CYP27C1: variants seen among roughly 807,000 people sequenced by gnomAD.
CYP27C1 encodes the protein cytochrome P450 family 27 subfamily C member 1, also known as cytochrome P450 27C1.
Under a neutral mutation model 40.6 loss-of-function variants are expected in CYP27C1, and 29 were observed. The observed-to-expected ratio is 0.71, with a 90% CI of 0.53 to 0.97. The LOEUF (loss-of-function observed/expected upper bound fraction) is 0.97, where lower values mean the gene tolerates loss of function less well. CYP27C1 is among the 50% of genes least tolerant of loss of function. CYP27C1 has a pLI of 0.00. For synonymous variants in CYP27C1, 198 were observed against 186.8 expected, an observed-to-expected ratio of 1.06 and a Z score of -0.49; for missense variants, 390 against 485.8, an observed-to-expected ratio of 0.80 and a Z score of 1.85.
chr2:127,204,440 A>AAAAGAAAGAAAGAAAAGAAAGAAAG (rs1553503224), intron 2 of CYP27C1, among the ~76,000 whole-genome samples: 4 of 41,284 alleles, frequency 9.7e-5, no homozygotes, highest in Non-Finnish European at 1.4e-4. Context: ...GAAAGAAAGA[A>AAAAGAAAGAAAGAAAAGAAAGAAAG]AAAGAAAGAA....
chr2:127,204,975 C>A (rs1316520334), intron 2 of CYP27C1, among the ~76,000 whole-genome samples: 1 of 152,218 alleles, frequency 6.6e-6, no homozygotes, highest in Non-Finnish European at 1.5e-5. Context: ...AGGACCCAAG[C>A]TAAGCCAGCC....
In CYP27C1 at chr2:127,187,163, A is replaced by G; in HGVS notation, c.*108T>C. On this transcript the variant is annotated 3_prime_UTR_variant, in exon 9 of 9. Transcript: ENST00000664447. ...CTGGGAGGCCAGTCTATAACAAGACAGCCTTTAGCGACATCGCTTTCCTTC... is the reference window on the plus strand; with the variant it reads ...CTGGGAGGCCAGTCTATAACAAGACGGCCTTTAGCGACATCGCTTTCCTTC... 1.1e-6 allele frequency: 1 copy of G among 883,852 alleles called. No individual in the cohort carries two copies. Among genetic ancestry groups the G allele is most frequent in the Non-Finnish European group, 1.8e-6 (1 of 546,814 alleles). 54.8% of individuals were successfully genotyped at this position (883,852 alleles called of 1,614,324 possible).
intron 8 of CYP27C1, among the ~76,000 whole-genome samples, chr2:127,187,730 C>T (rs968194424): frequency 2.0e-5 from 3 of 152,150 alleles, no homozygotes; most frequent in South Asian, 2.1e-4. Context: ...ATGAAGAAGG[C>T]ATCAAAGGAG....
chr2:127,186,028 G>GT lies in CYP27C1; in HGVS notation c.*1242dup, dbSNP rs1170915402. 2 of 152,114 alleles carry GT rather than the reference G, an allele frequency of 1.3e-5. No individual in the cohort carries two copies. Among genetic ancestry groups the GT allele is most frequent in the African/African-American group, 4.8e-5 (2 of 41,420 alleles). 9.4% of individuals were successfully genotyped at this position (152,114 alleles called of 1,614,324 possible). On this transcript the variant is annotated 3_prime_UTR_variant, in exon 9 of 9. Coordinates refer to ENST00000664447, the MANE Select transcript of CYP27C1 (RefSeq NM_001367502.1). The surrounding 1 kb of genome is among the most constrained non-coding windows in gnomAD (Gnocchi z 4.5). Reference sequence around the variant, plus strand: ...ACACCATCAAGATAAAAATATTGTTGTATCTGTAGCATCTCTATTTATGTA... The same window carrying GT: ...ACACCATCAAGATAAAAATATTGTTGTTATCTGTAGCATCTCTATTTATGTA...
intron 6 of CYP27C1, among the ~76,000 whole-genome samples, chr2:127,194,617 A>C (rs13001179): frequency 0.45 from 67,583 of 151,866 alleles, 15,272 homozygotes; most frequent in East Asian, 0.56. Context: ...GGTGGCGTCT[A>C]AACCCAGATG....
chr2:127,204,555 G>GAGAAAGAAAGAAAGAAAGAA (rs1169099297), intron 2 of CYP27C1, among the ~76,000 whole-genome samples: 5 of 39,184 alleles, frequency 1.3e-4, no homozygotes, highest in South Asian at 1.1e-3. Flanking sequence ...GAGAGAGAGA[G>GAGAAAGAAAGAAAGAAAGAA]AGAAAGAAAG....
chr2:127,184,445 G>A lies in CYP27C1; in HGVS notation c.*2826C>T, dbSNP rs1045389464. On this transcript the variant is annotated 3_prime_UTR_variant, in exon 9 of 9. Transcript: ENST00000664447. ...TTGTTTTTTTTAGATACGGAGTTTC[G>A]TTCTTGTTGCCCAGGTGGAGTGCAG... is the stretch of plus-strand genomic sequence containing the variant. 8.0e-5 allele frequency: 12 copies of A among 150,934 alleles called. No individual in the cohort carries two copies. Among genetic ancestry groups the A allele is most frequent in the African/African-American group, 1.5e-4 (6 of 40,974 alleles). 9.3% of individuals were successfully genotyped at this position (150,934 alleles called of 1,614,324 possible).
At chr2:127,197,042 T>G (rs1682919947) in intron 5 of CYP27C1, among the ~76,000 whole-genome samples, 1 of 152,226 alleles carries the variant, frequency 6.6e-6, no homozygotes, top group Non-Finnish European at 1.5e-5. Flanking sequence ...GTTCCCTGGC[T>G]TCTATTGTAG....
chr2:127,203,661 T>C (rs747488092), intron 2 of CYP27C1, 90 bp from the exon 3 acceptor site: 43 of 1,384,532 alleles, frequency 3.1e-5, no homozygotes, highest in Non-Finnish European at 4.1e-5. Context: ...ATTTCAGCCA[T>C]AAAGAATCAA....
Position 127,186,543 on chromosome 2 carries a change from A to C in CYP27C1, c.*728T>G, listed in dbSNP as rs1486089871. The C allele has an allele frequency of 6.6e-6, 1 of 152,114 alleles. No individual in the cohort carries two copies. The highest frequency in any genetic ancestry group is 1.5e-5 in the Non-Finnish European group (1 of 68,064). 9.4% of individuals were successfully genotyped at this position (152,114 alleles called of 1,614,324 possible). On this transcript the variant is annotated 3_prime_UTR_variant, in exon 9 of 9. Transcript: ENST00000664447. This position sits in a 1 kb window ranked among gnomAD's most constrained non-coding sequence, Gnocchi z 4.5. ...CAGTCTTCCGAGTAACTAGGACCAT[A>C]GGTGTGCACCACCACGCCCGGCTAA... is the stretch of plus-strand genomic sequence containing the variant.
At chr2:127,204,557 GAAAGAAAGAAAGAA>G (rs1197570657) in intron 2 of CYP27C1, among the ~76,000 whole-genome samples, 60 of 40,650 alleles carry the variant, frequency 1.5e-3, no homozygotes, top group South Asian at 3.5e-3. Context: ...GAGAGAGAGA[GAAAGAAAGAAAGAA>G]AGAAAGAAAG....
At position 127,208,554 on chromosome 2, in the gene CYP27C1, G is replaced by C. The variant is rs1345357967; in HGVS notation, c.283-2464C>G. 1.3e-5 allele frequency among the ~76,000 whole-genome samples: 2 copies of C among 152,208 alleles called. No homozygotes were observed. The highest frequency in any genetic ancestry group is 4.8e-5 in the African/African-American group (2 of 41,450). On this transcript the variant is annotated intron_variant, in intron 1 of 8. Coordinates refer to ENST00000664447, the MANE Select transcript of CYP27C1 (RefSeq NM_001367502.1). This position sits in a 1 kb window ranked among gnomAD's most constrained non-coding sequence, Gnocchi z 5.2. ...CTGTCTAAGTAATTTGAGCTCCTTGGGGGAGGGGCAGCAGCCAGCACTGGG... is the reference window on the plus strand; with the variant it reads ...CTGTCTAAGTAATTTGAGCTCCTTGCGGGAGGGGCAGCAGCCAGCACTGGG...
At position 127,199,448 on chromosome 2, in the gene CYP27C1, G is replaced by A. The variant is rs1355163848; in HGVS notation, c.975C>T (p.Phe325=). 6.2e-7 allele frequency: 1 copy of A among 1,614,086 alleles called. No individual in the cohort carries two copies. Among genetic ancestry groups the A allele is most frequent in the Non-Finnish European group, 8.5e-7 (1 of 1,180,050 alleles). The change falls in exon 5 of 9, where the codon TTC becomes TTT. Residue 325 remains phenylalanine, a synonymous_variant. Transcript: ENST00000664447. ...CCTGCAGCGTCAGAGCCTGGCTAAG[G>A]AAGAGGTATGTGAGAAGTCCCCCGC... ...RVSGGLLTYL[F]LSQALTLQEI...
chr2:127,214,801 G>GTT (rs70985439), intron 1 of CYP27C1, among the ~76,000 whole-genome samples: 8 of 117,056 alleles, frequency 6.8e-5, no homozygotes, highest in East Asian at 2.3e-4. Flanking sequence ...TTTTTTTTTG[G>GTT]TTTTTTTTTT....
intron 2 of CYP27C1, among the ~76,000 whole-genome samples, chr2:127,204,607 A>G (rs975088649): frequency 4.9e-5 from 5 of 102,246 alleles, no homozygotes; most frequent in Admixed American, 1.2e-4. Flanking sequence ...GAAAGAAAGA[A>G]AGAAAGAAAG....
chr2:127,212,656 G>A (rs1476254061), intron 1 of CYP27C1, among the ~76,000 whole-genome samples: 1 of 152,154 alleles, frequency 6.6e-6, no homozygotes, highest in East Asian at 1.9e-4. Context: ...AGGTACTGAT[G>A]GAACATATCT....
chr2:127,189,439 A>G (rs568116752), intron 8 of CYP27C1, among the ~76,000 whole-genome samples: 1 of 151,942 alleles, frequency 6.6e-6, no homozygotes, highest in Non-Finnish European at 1.5e-5. Flanking sequence ...AACATCACAC[A>G]CAGGGGCCTG....
chr2:127,220,247 C>T lies in CYP27C1; in HGVS notation c.24G>A (p.Leu8=), dbSNP rs1683523024. 6.6e-6 allele frequency among the ~76,000 whole-genome samples: 1 copy of T among 151,644 alleles called. No individual in the cohort carries two copies. The highest frequency in any genetic ancestry group is 2.4e-5 in the African/African-American group (1 of 41,392). Residue 8 remains leucine, a synonymous_variant, in exon 1 of 9, where the codon CTG becomes CTA. Transcript: ENST00000664447. This position sits in a 1 kb window ranked among gnomAD's most constrained non-coding sequence, Gnocchi z 4.6. MALLARI[L]RAGLRPAPER... is the part of the protein sequence containing the mutation. Reference sequence around the variant, plus strand: ...CGGGCGCCGGCCGCAGCCCGGCTCTCAGGATCCGCGCCAGCAGGGCCATGG... The same window carrying T: ...CGGGCGCCGGCCGCAGCCCGGCTCTTAGGATCCGCGCCAGCAGGGCCATGG...
chr2:127,204,552 A>AAG (rs1683165249), intron 2 of CYP27C1, among the ~76,000 whole-genome samples: 1 of 71,884 alleles, frequency 1.4e-5, no homozygotes, highest in Non-Finnish European at 2.8e-5. Context: ...AGAGAGAGAG[A>AAG]GAGAGAAAGA....
Sources: gnomAD v4.1 joint callset for allele counts (sites outside exome capture counted in the v4.1 genomes callset) on GRCh38, gnomAD v4.1.1 for gene constraint, Gnocchi (gnomAD v3.1) non-coding constraint, MANE v1.5 for transcripts, NCBI Gene and HGNC (gene_info 2026-07-23, HGNC 2026-07-21) for gene names.